The following RUFY4 variants were observed in gnomAD, a reference collection of about 807,000 sequenced individuals.
RUFY4 encodes the protein RUN and FYVE domain-containing protein 4.
A neutral mutation model predicts 69.0 loss-of-function variants in RUFY4; 73 were observed. That is an observed-to-expected ratio of 1.06 (90% CI 0.88 to 1.29). The LOEUF (loss-of-function observed/expected upper bound fraction) is 1.29. Among genes scored for constraint, RUFY4 ranks in the 50% most tolerant of loss-of-function variants. The pLI, the probability that RUFY4 is intolerant of heterozygous loss-of-function variation, is 0.00. For missense variants in RUFY4, 770 were observed against 705.6 expected, an observed-to-expected ratio of 1.09 and a Z score of -1.03; for synonymous variants, 287 against 271.8, an observed-to-expected ratio of 1.06 and a Z score of -0.55.
intron 2 of RUFY4, among the ~76,000 whole-genome samples, chr2:218,044,602 C>T (rs1286978101): frequency 6.6e-6 from 1 of 152,148 alleles, no homozygotes; most frequent in Non-Finnish European, 1.5e-5. Flanking sequence ...CACCCTCCAT[C>T]CTCTGATAAA....
chr2:218,055,606 G>A (rs775747447), intron 2 of RUFY4, among the ~76,000 whole-genome samples: 1 of 152,166 alleles, frequency 6.6e-6, no homozygotes, highest in Non-Finnish European at 1.5e-5. Flanking sequence ...AGAATGGACT[G>A]TATCTTAAAT....
rs1469240797 is a variant in RUFY4 at position 218,075,089 on chromosome 2, ACAG to A, written c.601-3_601-1del. 2 of 1,513,350 alleles carry A rather than the reference ACAG, an allele frequency of 1.3e-6. No individual in the cohort carries two copies. Among genetic ancestry groups the A allele is most frequent in the Non-Finnish European group, 1.8e-6 (2 of 1,126,518 alleles). 93.7% of individuals were successfully genotyped at this position (1,513,350 alleles called of 1,614,324 possible). The stretch of plus-strand genomic sequence containing the variant: ...GGATGACTGGTTTTGGGTCCTCTCC[ACAG>A]ATCCCAGCCGCATATGGAGGGCCTG... On this transcript the variant is annotated splice_acceptor_variant and splice_polypyrimidine_tract_variant and intron_variant, in intron 6 of 10. Coordinates refer to ENST00000344321, the Ensembl canonical transcript of RUFY4. LOFTEE classifies it high-confidence loss of function.
At chr2:218,082,400 C>T (rs1689781816) in intron 8 of RUFY4, among the ~76,000 whole-genome samples, 1 of 152,042 alleles carries the variant, frequency 6.6e-6, no homozygotes, top group Non-Finnish European at 1.5e-5. Context: ...AGAGAGCTGC[C>T]ATGATGGTGA....
At chr2:218,038,493 A>G (rs1377908478) in intron 2 of RUFY4, among the ~76,000 whole-genome samples, 3 of 152,196 alleles carry the variant, frequency 2.0e-5, no homozygotes, top group Admixed American at 6.5e-5. Flanking sequence ...TTTAAATTAA[A>G]TTAACAAAAG....
intron 2 of RUFY4, among the ~76,000 whole-genome samples, chr2:218,037,342 T>C (rs1958995035): frequency 6.6e-6 from 1 of 151,334 alleles, no homozygotes; most frequent in Admixed American, 6.6e-5. Flanking sequence ...GATAATAAAC[T>C]GAAAAACAAT....
intron 9 of RUFY4, among the ~76,000 whole-genome samples, chr2:218,084,493 A>G (rs552357853): frequency 2.6e-5 from 4 of 152,066 alleles, no homozygotes; most frequent in Non-Finnish European, 4.4e-5. Flanking sequence ...CGGCCTCCCA[A>G]AGTGCTAGTA....
chr2:218,057,342 C>A (rs1310235406), intron 2 of RUFY4, among the ~76,000 whole-genome samples: 1 of 152,188 alleles, frequency 6.6e-6, no homozygotes, highest in Admixed American at 6.5e-5. Flanking sequence ...TTTTATGTGA[C>A]TTTGATACTT....
chr2:218,056,508 G>A (rs12613712), intron 2 of RUFY4, among the ~76,000 whole-genome samples: 61,610 of 151,984 alleles, frequency 0.41, 13,573 homozygotes, highest in East Asian at 0.75. Flanking sequence ...CCACAGGGAT[G>A]GGCTCATCCT....
intron 3 of RUFY4, chr2:218,060,149 T>G: frequency 2.2e-6 from 1 of 456,262 alleles, no homozygotes; most frequent in Non-Finnish European, 4.0e-6. Context: ...TGGCAAGGGG[T>G]GAGGTACCAG....
intron 9 of RUFY4, among the ~76,000 whole-genome samples, chr2:218,083,475 C>A (rs975223730): frequency 6.6e-6 from 1 of 152,020 alleles, no homozygotes. Flanking sequence ...CTTGGCCAGG[C>A]GCAGTGGTTC....
At chr2:218,089,437 G>C (rs1311671637) in intron 10 of RUFY4, 75 bp downstream of exon 12, 1 of 1,231,386 alleles carries the variant, frequency 8.1e-7, no homozygotes, top group Non-Finnish European at 1.2e-6. Context: ...ACCCACCCCA[G>C]GGAAGGGAGG....
exon 11 of RUFY4, chr2:218,090,141 C>T (rs1193578658): frequency 1.7e-5 from 13 of 756,662 alleles, no homozygotes; most frequent in Non-Finnish European, 2.6e-5. Context: ...CTTCCCAGCC[C>T]TCTTGTTTGT....
At chr2:218,075,857 C>A in intron 7 of RUFY4, 117 bp downstream of exon 9, 1 of 1,057,554 alleles carries the variant, frequency 9.5e-7, no homozygotes, top group Non-Finnish European at 1.3e-6. Flanking sequence ...TTTTATTGGC[C>A]CACTCAGGAT....
exon 7 of RUFY4, chr2:218,075,430 A>T: frequency 6.2e-7 from 1 of 1,612,164 alleles, no homozygotes; most frequent in South Asian, 1.1e-5. Context: ...ATAGGGATGG[A>T]GGCTGAGGTC....
At chr2:218,047,041 TAAA>T (rs201363231) in intron 2 of RUFY4, among the ~76,000 whole-genome samples, 69 of 123,194 alleles carry the variant, frequency 5.6e-4, no homozygotes, top group African/African-American at 1.3e-3. Context: ...TCATTGTGGT[TAAA>T]AAAAAAAAAA....
intron 2 of RUFY4, among the ~76,000 whole-genome samples, chr2:218,038,086 G>A (rs888648760): frequency 6.6e-6 from 1 of 152,134 alleles, no homozygotes; most frequent in East Asian, 1.9e-4. Context: ...TTTCATGATA[G>A]CGTCAGTCTC....
chr2:218,039,634 A>C (rs1959032270), intron 2 of RUFY4, among the ~76,000 whole-genome samples: 1 of 152,124 alleles, frequency 6.6e-6, no homozygotes, highest in African/African-American at 2.4e-5. Flanking sequence ...TGCTGGGGGA[A>C]GCTAAGGCAG....
chr2:218,060,276 G>C, intron 3 of RUFY4: 1 of 1,428,866 alleles, frequency 7.0e-7, no homozygotes, highest in South Asian at 1.5e-5. Context: ...TGGACATGAG[G>C]CTTGGAATGT....
chr2:218,054,779 C>T (rs1181628833), intron 2 of RUFY4, among the ~76,000 whole-genome samples: 1 of 152,128 alleles, frequency 6.6e-6, no homozygotes, highest in Non-Finnish European at 1.5e-5. Flanking sequence ...AAGTTTCTCT[C>T]TTAAGCTATC....
Sources: allele counts gnomAD v4.1 joint callset (sites outside exome capture counted in the v4.1 genomes callset), GRCh38; gene constraint gnomAD v4.1.1; transcripts MANE v1.5; gene names NCBI Gene and HGNC (gene_info 2026-07-23, HGNC 2026-07-21).